SLC4A4: variants seen among roughly 807,000 people sequenced by gnomAD.
SLC4A4 encodes solute carrier family 4 member 4.
A neutral mutation model predicts 111.5 loss-of-function variants in SLC4A4; 27 were observed. The observed-to-expected ratio is 0.24, with a 90% CI of 0.18 to 0.33. The LOEUF is 0.33. Ranked by LOEUF, SLC4A4 falls within the 10% of genes least tolerant of loss-of-function variation. The pLI is 1.00. For missense variants in SLC4A4, 909 were observed against 1,315.5 expected, an observed-to-expected ratio of 0.69 and a Z score of 4.78; for synonymous variants, 443 against 463.4, an observed-to-expected ratio of 0.96 and a Z score of 0.57.
At position 71,254,351 on chromosome 4, in the gene SLC4A4, C is replaced by T. The variant is rs141705608; in HGVS notation, c.74-869C>T. Among the ~76,000 whole-genome samples the T allele has an allele frequency of 3.3e-5, 5 of 152,000 alleles. No individual in the cohort carries two copies. The East Asian group carries it at 9.7e-4, about 29-fold the overall frequency. On this transcript the variant is annotated intron_variant, in intron 2 of 25. Coordinates refer to ENST00000264485, the MANE Select transcript of SLC4A4 (RefSeq NM_001098484.3). ...TTATTAGATTTTGTAAAAATAATAC[C>T]ACTTGTCAGTTTTGCAGCTCCTTCC...
chr4:71,516,961 AC>A (rs1227387320), intron 16 of SLC4A4, among the ~76,000 whole-genome samples: 2 of 152,016 alleles, frequency 1.3e-5, no homozygotes, highest in Non-Finnish European at 2.9e-5. Flanking sequence ...TGCAAAATAC[AC>A]TGCTAGTATT....
intron 2 of SLC4A4, among the ~76,000 whole-genome samples, chr4:71,163,593 A>G (rs1744663374): frequency 6.6e-6 from 1 of 152,212 alleles, no homozygotes; most frequent in African/African-American, 2.4e-5. Flanking sequence ...AGATATATAG[A>G]CTTACTAAGA....
chr4:71,179,053 T>C (rs998773889), intron 2 of SLC4A4, among the ~76,000 whole-genome samples: 5 of 152,066 alleles, frequency 3.3e-5, no homozygotes, highest in Non-Finnish European at 5.9e-5. Context: ...GTTCAACATA[T>C]GCAAATCAAT....
chr4:71,146,849 G>A (rs1021488865), intron 2 of SLC4A4, among the ~76,000 whole-genome samples: 1 of 149,590 alleles, frequency 6.7e-6, no homozygotes, highest in African/African-American at 2.5e-5. Flanking sequence ...AAAATAACCA[G>A]CTAACATCAT....
chr4:71,363,859 GC>G (rs1731019190), intron 6 of SLC4A4, among the ~76,000 whole-genome samples: 1 of 152,130 alleles, frequency 6.6e-6, no homozygotes, highest in Non-Finnish European at 1.5e-5. Flanking sequence ...ATGGAAAGTT[GC>G]TAGCAAAGTG....
At chr4:71,532,919 G>C (rs1321137946) in intron 17 of SLC4A4, among the ~76,000 whole-genome samples, 1 of 152,080 alleles carries the variant, frequency 6.6e-6, no homozygotes. Flanking sequence ...TTACAAAGTA[G>C]ATATAATAAT....
At chr4:71,284,517 C>T (rs1723757210) in intron 3 of SLC4A4, among the ~76,000 whole-genome samples, 1 of 152,226 alleles carries the variant, frequency 6.6e-6, no homozygotes, top group African/African-American at 2.4e-5. Flanking sequence ...TTCCACATAA[C>T]ATCCCTTGAA....
chr4:71,467,864 G>A (rs1727520217), intron 13 of SLC4A4, among the ~76,000 whole-genome samples: 2 of 149,016 alleles, frequency 1.3e-5, no homozygotes, highest in South Asian at 2.2e-4. Context: ...CTCATGGCCT[G>A]CTGGCACTCC....
At chr4:71,524,846 C>T (rs190361001) in intron 16 of SLC4A4, among the ~76,000 whole-genome samples, 21 of 152,200 alleles carry the variant, frequency 1.4e-4, no homozygotes, top group African/African-American at 5.1e-4. Context: ...GAGGAATTGA[C>T]ATCATAAGTT....
chr4:71,090,536 A>G (rs990083515), intron 1 of SLC4A4, among the ~76,000 whole-genome samples: 1 of 152,190 alleles, frequency 6.6e-6, no homozygotes, highest in African/African-American at 2.4e-5. Context: ...ATGTGTTAAG[A>G]TAAAGGGAGT....
At chr4:71,468,184 C>T (rs1304495470) in intron 13 of SLC4A4, among the ~76,000 whole-genome samples, 1 of 151,876 alleles carries the variant, frequency 6.6e-6, no homozygotes, top group African/African-American at 2.4e-5. Flanking sequence ...CTCAGAAGAA[C>T]ATTGGAAAGA....
intron 1 of SLC4A4, among the ~76,000 whole-genome samples, chr4:71,217,014 A>C (rs1225614397): frequency 6.6e-6 from 1 of 152,206 alleles, no homozygotes; most frequent in Non-Finnish European, 1.5e-5. Flanking sequence ...GGTAACTTGA[A>C]TTACATTCAC....
intron 7 of SLC4A4, among the ~76,000 whole-genome samples, chr4:71,409,715 G>A (rs1189736460): frequency 6.6e-6 from 1 of 152,210 alleles, no homozygotes; most frequent in Non-Finnish European, 1.5e-5. Context: ...GAGTAGCAAG[G>A]AGCCTAATGT....
intron 3 of SLC4A4, among the ~76,000 whole-genome samples, chr4:71,284,262 A>C (rs1723740733): frequency 6.6e-6 from 1 of 152,248 alleles, no homozygotes. Context: ...ATTTGAGTAT[A>C]AAAGGAGTTT....
At chr4:71,113,387 A>G (rs1398377220) in intron 2 of SLC4A4, among the ~76,000 whole-genome samples, 1 of 152,226 alleles carries the variant, frequency 6.6e-6, no homozygotes, top group Non-Finnish European at 1.5e-5. Context: ...TGGATTCCCC[A>G]GCCCTGTCAC....
intron 3 of SLC4A4, among the ~76,000 whole-genome samples, chr4:71,276,627 T>G (rs1359883440): frequency 2.0e-5 from 3 of 151,998 alleles, no homozygotes; most frequent in African/African-American, 7.3e-5. Context: ...TAGTTCCATC[T>G]AAGTTGTTGC....
At chr4:71,173,986 T>G (rs1745014413) in intron 2 of SLC4A4, among the ~76,000 whole-genome samples, 1 of 152,180 alleles carries the variant, frequency 6.6e-6, no homozygotes, top group Non-Finnish European at 1.5e-5. Flanking sequence ...GTTGGCCATA[T>G]TATTATTTTT....
At chr4:71,226,562 A>T (rs2149027965) in intron 1 of SLC4A4, among the ~76,000 whole-genome samples, 1 of 152,324 alleles carries the variant, frequency 6.6e-6, no homozygotes, top group African/African-American at 2.4e-5. Flanking sequence ...TATATAGTTA[A>T]AAATATGCTT....
chr4:71,366,794 G>A (rs1269817232), intron 6 of SLC4A4, among the ~76,000 whole-genome samples: 1 of 152,158 alleles, frequency 6.6e-6, no homozygotes, highest in African/African-American at 2.4e-5. Flanking sequence ...AGTTAAATTT[G>A]TGAAGTGAAA....
Sources: gnomAD v4.1 joint callset for allele counts (sites outside exome capture counted in the v4.1 genomes callset) on GRCh38, gnomAD v4.1.1 for gene constraint, MANE v1.5 for transcripts, NCBI Gene and HGNC (gene_info 2026-07-23, HGNC 2026-07-21) for gene names.